The following EYS variants were observed in gnomAD, a reference collection of about 807,000 sequenced individuals.
EYS encodes protein eyes shut homolog.
Under a neutral mutation model 282.1 loss-of-function variants are expected in EYS, and 250 were observed. The observed-to-expected ratio is 0.89, with a 90% CI of 0.80 to 0.98. The LOEUF is 0.98. Ranked by LOEUF, EYS falls within the 50% of genes least tolerant of loss-of-function variation. EYS has a pLI of 0.00. For synonymous variants in EYS, 1,355 were observed against 1,282.9 expected, an observed-to-expected ratio of 1.06 and a Z score of -1.20; for missense variants, 4,016 against 3,709.0, an observed-to-expected ratio of 1.08 and a Z score of -2.15.
chr6:64,682,981 C>G (rs558966032), intron 22 of EYS, among the ~76,000 whole-genome samples: 2 of 152,258 alleles, frequency 1.3e-5, no homozygotes, highest in South Asian at 4.1e-4. Flanking sequence ...CTTTACCCAG[C>G]TCCTTAACTA....
At chr6:64,246,815 T>G (rs572617673) in intron 30 of EYS, among the ~76,000 whole-genome samples, 2 of 152,278 alleles carry the variant, frequency 1.3e-5, no homozygotes, top group African/African-American at 4.8e-5. Context: ...GGCAGTGAAC[T>G]CTATAGTATG....
intron 15 of EYS, among the ~76,000 whole-genome samples, chr6:64,931,582 A>G (rs113966782): frequency 2.0e-5 from 3 of 152,250 alleles, no homozygotes; most frequent in African/African-American, 7.2e-5. Context: ...AAAAAGATTC[A>G]TCATTTATAA....
chr6:64,865,196 C>T (rs914532543), intron 19 of EYS, among the ~76,000 whole-genome samples: 2 of 152,072 alleles, frequency 1.3e-5, no homozygotes, highest in African/African-American at 4.8e-5. Context: ...TTTCTACTTT[C>T]AAGTAACTCA....
intron 26 of EYS, among the ~76,000 whole-genome samples, chr6:64,558,588 A>G (rs1414554061): frequency 6.6e-6 from 1 of 152,166 alleles, no homozygotes; most frequent in Non-Finnish European, 1.5e-5. Context: ...AAGATAAAAA[A>G]GATTATTTCA....
intron 2 of EYS, among the ~76,000 whole-genome samples, chr6:65,627,848 G>A (rs935209399): frequency 5.3e-5 from 8 of 152,186 alleles, no homozygotes; most frequent in Admixed American, 1.3e-4. Context: ...GCTCCTGTGC[G>A]CCCGAGCCTC....
chr6:64,812,187 G>A lies in EYS; in HGVS notation c.3443+1191C>T, dbSNP rs147299404. On this transcript the variant is annotated intron_variant, in intron 22 of 42. Transcript: ENST00000503581. ...ATATTTTATCAATCTACAAAAGTAC[G>A]ATAAACAGAAAGTATGTTCAAAACA... Among the ~76,000 whole-genome samples, 338 of 151,042 alleles carry A rather than the reference G, an allele frequency of 2.2e-3. 6 individuals carry two copies. The highest frequency in any genetic ancestry group is 7.7e-3 in the African/African-American group (317 of 41,128).
At chr6:64,999,046 G>A (rs1009888436) in intron 13 of EYS, among the ~76,000 whole-genome samples, 1 of 152,042 alleles carries the variant, frequency 6.6e-6, no homozygotes, top group Non-Finnish European at 1.5e-5. Flanking sequence ...GAAACAGATT[G>A]TTAAAAAAAT....
chr6:64,498,522 G>A (rs1307683256), intron 26 of EYS, among the ~76,000 whole-genome samples: 1 of 151,740 alleles, frequency 6.6e-6, no homozygotes, highest in African/African-American at 2.4e-5. Context: ...TTGTTACATA[G>A]GTAAACATGT....
intron 28 of EYS, among the ~76,000 whole-genome samples, chr6:64,418,553 C>A (rs1324228373): frequency 6.6e-6 from 1 of 152,176 alleles, no homozygotes; most frequent in African/African-American, 2.4e-5. Flanking sequence ...TGATTACCTG[C>A]ACCATCTATG....
intron 2 of EYS, among the ~76,000 whole-genome samples, chr6:65,506,573 G>A (rs1027999257): frequency 3.0e-5 from 4 of 134,086 alleles, no homozygotes; most frequent in East Asian, 2.4e-4. Context: ...TGATCTCCTC[G>A]ACTCAAGCAA....
At chr6:63,966,020 A>AG (rs201916191) in intron 35 of EYS, among the ~76,000 whole-genome samples, 1 of 152,208 alleles carries the variant, frequency 6.6e-6, no homozygotes, top group East Asian at 1.9e-4. Context: ...TTTATAACAT[A>AG]GGGGTTGCAA....
At chr6:63,918,622 C>G (rs1764486225) in intron 35 of EYS, among the ~76,000 whole-genome samples, 1 of 152,172 alleles carries the variant, frequency 6.6e-6, no homozygotes, top group East Asian at 1.9e-4. Flanking sequence ...GAAGATGACA[C>G]AGAGCCAAAT....
chr6:65,071,939 C>A (rs1199052558), intron 12 of EYS, among the ~76,000 whole-genome samples: 1 of 151,668 alleles, frequency 6.6e-6, no homozygotes, highest in African/African-American at 2.4e-5. Flanking sequence ...CCTTTTTGCT[C>A]TTTCATCTTC....
intron 2 of EYS, among the ~76,000 whole-genome samples, chr6:65,529,073 C>G (rs1048527474): frequency 6.6e-6 from 1 of 151,812 alleles, no homozygotes; most frequent in East Asian, 1.9e-4. Context: ...CAAAATTAAC[C>G]GCCATCTTGA....
rs147821961 is a variant in EYS at position 64,138,492 on chromosome 6, C to T, written c.6425-56490G>A. ...ATTTCATTTTCAAGGAATAAGAGGG[C>T]ATATAAAACAATAGCTGTAATTACG... On this transcript the variant is annotated intron_variant, in intron 31 of 42. Coordinates refer to ENST00000503581, the MANE Select transcript of EYS (RefSeq NM_001142800.2). Among the ~76,000 whole-genome samples the T allele has an allele frequency of 4.2e-3, 641 of 152,092 alleles. 3 individuals are homozygous for T. Among genetic ancestry groups the T allele is most frequent in the African/African-American group, 0.014 (600 of 41,468 alleles).
At chr6:63,991,320 G>A (rs1483636171) in intron 34 of EYS, among the ~76,000 whole-genome samples, 1 of 151,584 alleles carries the variant, frequency 6.6e-6, no homozygotes, top group African/African-American at 2.4e-5. Flanking sequence ...CACAAAGTTA[G>A]AAAGCAAAGG....
intron 28 of EYS, among the ~76,000 whole-genome samples, chr6:64,389,646 A>T (rs181980521): frequency 6.6e-6 from 1 of 152,318 alleles, no homozygotes; most frequent in East Asian, 1.9e-4. Flanking sequence ...AAGCCCAAAA[A>T]TATTTACTAT....
chr6:64,554,221 A>G (rs1765173821), intron 26 of EYS, among the ~76,000 whole-genome samples: 1 of 152,124 alleles, frequency 6.6e-6, no homozygotes, highest in Admixed American at 6.5e-5. Context: ...AAATAAAACA[A>G]CACCCTACTT....
At chr6:65,208,497 C>A (rs983712069) in intron 12 of EYS, among the ~76,000 whole-genome samples, 1 of 151,898 alleles carries the variant, frequency 6.6e-6, no homozygotes, top group African/African-American at 2.4e-5. Context: ...AAGATACCTG[C>A]ACTTGTCTGT....
Sources: gnomAD v4.1 joint callset for allele counts (sites outside exome capture counted in the v4.1 genomes callset) on GRCh38, gnomAD v4.1.1 for gene constraint, MANE v1.5 for transcripts, NCBI Gene and HGNC (gene_info 2026-07-23, HGNC 2026-07-21) for gene names.